The following CAMTA1 variants were observed in gnomAD, a reference collection of about 807,000 sequenced individuals.
The protein encoded by CAMTA1 is calmodulin-binding transcription activator 1.
In CAMTA1, 27 loss-of-function variants were observed where a neutral mutation model predicts 170.9. The ratio of observed to expected loss-of-function variants is 0.16; its 90% CI spans 0.12 to 0.22. CAMTA1 has a LOEUF of 0.22. CAMTA1 is among the 10% of genes least tolerant of loss of function. The pLI, the probability that CAMTA1 is intolerant of heterozygous loss-of-function variation, is 1.00. For missense variants in CAMTA1, 1,619 were observed against 2,217.2 expected, an observed-to-expected ratio of 0.73 and a Z score of 5.42; for synonymous variants, 833 against 891.5, an observed-to-expected ratio of 0.93 and a Z score of 1.17.
intron 4 of CAMTA1, among the ~76,000 whole-genome samples, chr1:7,247,582 CATGAGTGTCTTCATTCTTTTTTTGG>C (rs1666014567): frequency 6.6e-6 from 1 of 152,212 alleles, no homozygotes; most frequent in Admixed American, 6.5e-5. Context: ...GCCACACTCT[CATGAGTGTCTTCATTCTTTTTTTGG>C]AGAGAATGAG....
At chr1:7,743,243 G>A (rs768032742) in intron 16 of CAMTA1, among the ~76,000 whole-genome samples, 105 of 151,726 alleles carry the variant, frequency 6.9e-4, no homozygotes, top group Non-Finnish European at 9.4e-4. Context: ...TCCACAATAA[G>A]CATTTTTAAC....
In CAMTA1 at chr1:7,258,850, A is replaced by G. The variant is rs114915102; in HGVS notation, c.438+9224A>G. On this transcript the variant is annotated intron_variant, in intron 5 of 22. Coordinates refer to ENST00000303635, the MANE Select transcript of CAMTA1 (RefSeq NM_015215.4). ...CGAATCTCCAGGCTTGTCCTCGGAT[A>G]GTCGCGGCCATTCACTTTAGTTGGC... Among the ~76,000 whole-genome samples the G allele has an allele frequency of 8.0e-3, 1,225 of 152,296 alleles. 20 individuals carry two copies. Among genetic ancestry groups the G allele is most frequent in the African/African-American group, 0.028 (1,170 of 41,562 alleles).
chr1:6,904,733 ATTTTTTTTTTTTTTTTT>A (rs70984036), intron 3 of CAMTA1, among the ~76,000 whole-genome samples: 10 of 70,994 alleles, frequency 1.4e-4, no homozygotes, highest in African/African-American at 3.5e-4. Flanking sequence ...TGCCCAGCTA[ATTTTTTTTTTTTTTTTT>A]TTTTTTTTTT....
chr1:7,647,732 C>T (rs1405944414), intron 7 of CAMTA1, among the ~76,000 whole-genome samples: 1 of 152,182 alleles, frequency 6.6e-6, no homozygotes, highest in Non-Finnish European at 1.5e-5. Flanking sequence ...GAGCTCCGAG[C>T]CTGACTAGGA....
In CAMTA1 at chr1:7,249,979, G is replaced by A. The variant is rs1043822159; in HGVS notation, c.438+353G>A. 8.5e-5 allele frequency among the ~76,000 whole-genome samples: 13 copies of A among 152,132 alleles called. No individual in the cohort carries two copies. The highest frequency in any genetic ancestry group is 2.9e-4 in the African/African-American group (12 of 41,424). ...TCAGGGAAGAGGGGAGGCAGCGTAA[G>A]GAACTTCCCTCTTGAGGTGACCCTG... On this transcript the variant is annotated intron_variant, in intron 5 of 22. Transcript: ENST00000303635. This position sits in a 1 kb window ranked among gnomAD's most constrained non-coding sequence, Gnocchi z 4.4.
chr1:7,423,507 A>G (rs1317378852), intron 5 of CAMTA1, among the ~76,000 whole-genome samples: 1 of 151,422 alleles, frequency 6.6e-6, no homozygotes, highest in Non-Finnish European at 1.5e-5. Flanking sequence ...GCACACAGAT[A>G]ATGCCTGCTG....
chr1:6,852,743 G>A (rs1660872002), intron 3 of CAMTA1, among the ~76,000 whole-genome samples: 1 of 152,190 alleles, frequency 6.6e-6, no homozygotes, highest in Non-Finnish European at 1.5e-5. Flanking sequence ...TGTTGTTTGG[G>A]TTTTTATGGA....
At chr1:6,877,720 G>C (rs1670335188) in intron 3 of CAMTA1, among the ~76,000 whole-genome samples, 1 of 152,146 alleles carries the variant, frequency 6.6e-6, no homozygotes, top group African/African-American at 2.4e-5. Context: ...CAATTATTCA[G>C]GTTTGGATAT....
chr1:6,947,872 G>C (rs1687830935), intron 3 of CAMTA1, among the ~76,000 whole-genome samples: 1 of 151,782 alleles, frequency 6.6e-6, no homozygotes, highest in Non-Finnish European at 1.5e-5. Context: ...TGTTGATCTT[G>C]TATCCTGCAA....
At chr1:6,859,447 A>G (rs1000875306) in intron 3 of CAMTA1, among the ~76,000 whole-genome samples, 1 of 152,206 alleles carries the variant, frequency 6.6e-6, no homozygotes, top group African/African-American at 2.4e-5. Flanking sequence ...GTTATGTTCT[A>G]GGACAGAAGT....
At chr1:7,762,423 A>G (rs2096983330) in intron 22 of CAMTA1, among the ~76,000 whole-genome samples, 1 of 152,250 alleles carries the variant, frequency 6.6e-6, no homozygotes, top group Non-Finnish European at 1.5e-5. Context: ...AATTTGTTTT[A>G]AAATTCTAGT....
intron 5 of CAMTA1, among the ~76,000 whole-genome samples, chr1:7,308,376 C>T (rs930283269): frequency 1.3e-5 from 2 of 151,558 alleles, no homozygotes; most frequent in Admixed American, 6.6e-5. Context: ...ATTTTACTAT[C>T]TCCTTTTGGC....
intron 5 of CAMTA1, among the ~76,000 whole-genome samples, chr1:7,273,447 A>T (rs1222069293): frequency 6.6e-6 from 1 of 152,254 alleles, no homozygotes; most frequent in African/African-American, 2.4e-5. Flanking sequence ...TCTAAACGTT[A>T]TTCTAAGTGA....
At chr1:7,494,921 A>C (rs993808114) in intron 6 of CAMTA1, among the ~76,000 whole-genome samples, 80 of 152,216 alleles carry the variant, frequency 5.3e-4, no homozygotes, top group African/African-American at 1.9e-3. Flanking sequence ...GAGGAAGAGG[A>C]CGCTGACCCT....
In CAMTA1 at chr1:7,144,553, C is replaced by T. The variant is rs540151338; in HGVS notation, c.302+53182C>T. The stretch of plus-strand genomic sequence containing the variant: ...GGCAGGATTAGAAGATTTGCCTTGT[C>T]GGTGTAGTTTGTGGCTTCAGTGTTG... On this transcript the variant is annotated intron_variant, in intron 4 of 22. Coordinates refer to ENST00000303635, the MANE Select transcript of CAMTA1 (RefSeq NM_015215.4). The surrounding 1 kb of genome is among the most constrained non-coding windows in gnomAD (Gnocchi z 4.0). Among the ~76,000 whole-genome samples the T allele has an allele frequency of 1.6e-4, 24 of 152,220 alleles. No homozygotes were observed. Among genetic ancestry groups the T allele is most frequent in the African/African-American group, 4.8e-4 (20 of 41,522 alleles).
intron 6 of CAMTA1, among the ~76,000 whole-genome samples, chr1:7,493,282 C>T (rs1364239422): frequency 6.1e-5 from 7 of 115,642 alleles, no homozygotes; most frequent in African/African-American, 3.8e-4. Flanking sequence ...CAAACATACA[C>T]GCGCACAAAC....
intron 5 of CAMTA1, among the ~76,000 whole-genome samples, chr1:7,411,085 C>T (rs184322409): frequency 3.3e-5 from 5 of 152,208 alleles, no homozygotes; most frequent in Admixed American, 2.6e-4. Flanking sequence ...ATAATATATT[C>T]GATTCTCACC....
At chr1:7,039,001 C>T (rs1470549261) in intron 3 of CAMTA1, among the ~76,000 whole-genome samples, 2 of 152,106 alleles carry the variant, frequency 1.3e-5, no homozygotes, top group African/African-American at 4.8e-5. Context: ...GATCCTGCCA[C>T]TGCACTCCAG....
At chr1:7,181,161 A>G (rs1652075258) in intron 4 of CAMTA1, among the ~76,000 whole-genome samples, 1 of 152,240 alleles carries the variant, frequency 6.6e-6, no homozygotes, top group Non-Finnish European at 1.5e-5. Context: ...GATTATCTCC[A>G]TAAATACTGA....
Sources: allele counts gnomAD v4.1 joint callset (sites outside exome capture counted in the v4.1 genomes callset), GRCh38; gene constraint gnomAD v4.1.1; non-coding constraint Gnocchi (gnomAD v3.1); transcripts MANE v1.5; gene names NCBI Gene and HGNC (gene_info 2026-07-23, HGNC 2026-07-21).